The following NCAM1 variants were observed in gnomAD, a reference collection of about 807,000 sequenced individuals.
The protein encoded by NCAM1 is antigen recognized by monoclonal antibody 5.1H11.
Under a neutral mutation model 109.8 loss-of-function variants are expected in NCAM1, and 14 were observed. The observed-to-expected ratio is 0.13, with a 90% CI of 0.08 to 0.20. The LOEUF (loss-of-function observed/expected upper bound fraction) is 0.20, where lower values mean the gene tolerates loss of function less well. Among genes scored for constraint, NCAM1 ranks in the 10% least tolerant of loss-of-function variants. The probability of loss-of-function intolerance (pLI) is 1.00; values close to 1 mark genes in which losing one functional copy is unlikely to be tolerated. For synonymous variants in NCAM1, 418 were observed against 442.9 expected (o/e 0.94, Z 0.70); for missense variants, 774 against 1,109.9 (o/e 0.70, Z 4.30).
At chr11:112,966,354 C>G (rs986784962) in intron 1 of NCAM1, among the ~76,000 whole-genome samples, 1 of 152,164 alleles carries the variant, frequency 6.6e-6, no homozygotes, top group Non-Finnish European at 1.5e-5. Flanking sequence ...ATAATATACT[C>G]AGTGACTCTG....
chr11:112,995,191 C>CT (rs2134885998), intron 1 of NCAM1, among the ~76,000 whole-genome samples: 1 of 152,062 alleles, frequency 6.6e-6, no homozygotes. Context: ...GCATCCTACC[C>CT]CCCGCCACTG....
In NCAM1 at chr11:112,963,654, C is replaced by T. The variant is rs909189553; in HGVS notation, c.52+1990C>T. 6.6e-6 allele frequency among the ~76,000 whole-genome samples: 1 copy of T among 152,116 alleles called. No homozygotes were observed. The highest frequency in any genetic ancestry group is 2.4e-5 in the African/African-American group (1 of 41,426). ...CGCGACGCGACCTGTCCACATGGGG[C>T]GGGGGAAGGGGGGTGTTTTTGAGAC... On this transcript the variant is annotated intron_variant, in intron 1 of 19. Coordinates refer to ENST00000316851, the MANE Select transcript of NCAM1 (RefSeq NM_181351.5). This position sits in a 1 kb window ranked among gnomAD's most constrained non-coding sequence, Gnocchi z 4.6.
intron 1 of NCAM1, among the ~76,000 whole-genome samples, chr11:113,104,159 G>A (rs1004329852): frequency 6.4e-5 from 8 of 125,634 alleles, no homozygotes; most frequent in East Asian, 5.0e-4. Flanking sequence ...ACTAGTTTTC[G>A]TTTTGTTCTG....
At chr11:113,164,787 G>T (rs1942728335) in intron 1 of NCAM1, among the ~76,000 whole-genome samples, 1 of 151,970 alleles carries the variant, frequency 6.6e-6, no homozygotes, top group Non-Finnish European at 1.5e-5. Flanking sequence ...GATTTTTATG[G>T]AGGCTTCATC....
At chr11:113,223,820 G>A (rs1555115722) in intron 9 of NCAM1, among the ~76,000 whole-genome samples, 1 of 152,216 alleles carries the variant, frequency 6.6e-6, no homozygotes, top group African/African-American at 2.4e-5. Flanking sequence ...TGGACAAGTA[G>A]GAGTGACAAG....
chr11:113,002,545 CAGA>C (rs1241439104), intron 1 of NCAM1, among the ~76,000 whole-genome samples: 3 of 152,116 alleles, frequency 2.0e-5, no homozygotes, highest in East Asian at 1.9e-4. Flanking sequence ...CTGTGTTCTA[CAGA>C]AGAAGAAGAT....
chr11:113,182,584 C>A (rs1231865416), intron 1 of NCAM1, among the ~76,000 whole-genome samples: 1 of 152,214 alleles, frequency 6.6e-6, no homozygotes, highest in Non-Finnish European at 1.5e-5. Flanking sequence ...GCTGCCATCT[C>A]TGTTTCACCA....
At chr11:113,258,682 G>A (rs959493829) in intron 16 of NCAM1, among the ~76,000 whole-genome samples, 1 of 152,122 alleles carries the variant, frequency 6.6e-6, no homozygotes, top group Non-Finnish European at 1.5e-5. Flanking sequence ...AATATTTAAG[G>A]TGATGGATAT....
At chr11:113,227,345 A>G (rs1389114764) in intron 9 of NCAM1, among the ~76,000 whole-genome samples, 2 of 152,326 alleles carry the variant, frequency 1.3e-5, no homozygotes, top group East Asian at 3.8e-4. Context: ...AAATGGATAA[A>G]TTCCTGGACA....
At chr11:112,993,094 T>C (rs1333061727) in intron 1 of NCAM1, among the ~76,000 whole-genome samples, 1 of 152,236 alleles carries the variant, frequency 6.6e-6, no homozygotes, top group East Asian at 1.9e-4. Context: ...TTGCTTTTTG[T>C]ATTGTTTTAG....
Position 113,111,570 on chromosome 11 carries a change from G to C in NCAM1, c.53-90809G>C, listed in dbSNP as rs533284101. Reference sequence around the variant, plus strand: ...TGTTTTAGAGTAATGGAAGCGTTCTGTATCTTGATTGTCGTGTGGTTATAT... The same window carrying C: ...TGTTTTAGAGTAATGGAAGCGTTCTCTATCTTGATTGTCGTGTGGTTATAT... On this transcript the variant is annotated intron_variant, in intron 1 of 19. Coordinates refer to ENST00000316851, the MANE Select transcript of NCAM1 (RefSeq NM_181351.5). Among the ~76,000 whole-genome samples, 4 of 152,310 alleles carry C rather than the reference G, an allele frequency of 2.6e-5. No individual in the cohort carries two copies. The South Asian group carries it at 8.3e-4, about 32-fold the overall frequency.
chr11:113,277,418 G>C lies in NCAM1; in HGVS notation c.*2031G>C. On this transcript the variant is annotated 3_prime_UTR_variant, in exon 20 of 20. Coordinates refer to ENST00000316851, the MANE Select transcript of NCAM1 (RefSeq NM_181351.5). The stretch of plus-strand genomic sequence containing the variant: ...CCCCTTTGATTCTAGGGCCTGCACA[G>C]ATCTCTGGTTCAAATGCACAGGCCC... The C allele has an allele frequency of 2.5e-6, 1 of 399,084 alleles. No individual in the cohort carries two copies. The highest frequency in any genetic ancestry group is 4.4e-6 in the Non-Finnish European group (1 of 226,090). The allele number at this position is 399,084 out of a possible 1,614,324, so 24.7% of individuals were successfully genotyped here.
intron 1 of NCAM1, among the ~76,000 whole-genome samples, chr11:112,994,998 C>T (rs1205138237): frequency 1.3e-5 from 2 of 152,106 alleles, no homozygotes; most frequent in Non-Finnish European, 2.9e-5. Flanking sequence ...TGATCACAAG[C>T]TCAATAGGGC....
chr11:112,966,299 A>C (rs1237068171), intron 1 of NCAM1, among the ~76,000 whole-genome samples: 1 of 152,216 alleles, frequency 6.6e-6, no homozygotes, highest in African/African-American at 2.4e-5. Context: ...GGTTAAAAAG[A>C]AAGAATTCTA....
At chr11:113,208,853 T>C (rs1555113298) in intron 7 of NCAM1, among the ~76,000 whole-genome samples, 1 of 152,248 alleles carries the variant, frequency 6.6e-6, no homozygotes, top group African/African-American at 2.4e-5. Flanking sequence ...AGTGCCAGAC[T>C]TGGCATAGGC....
At chr11:113,232,855 C>T (rs537145052) in intron 12 of NCAM1, 41 bp downstream of exon 12, 1 of 1,516,846 alleles carries the variant, frequency 6.6e-7, no homozygotes, top group African/African-American at 1.4e-5. Flanking sequence ...TGCCACAACC[C>T]CCCACCTAAC....
At chr11:113,228,059 C>T (rs1555116558) in intron 9 of NCAM1, among the ~76,000 whole-genome samples, 1 of 152,174 alleles carries the variant, frequency 6.6e-6, no homozygotes, top group South Asian at 2.1e-4. Context: ...TCCTATTCAA[C>T]ATAGTGTTGG....
Position 113,261,227 on chromosome 11 carries a change from G to A in NCAM1, c.2131+904G>A, listed in dbSNP as rs181095870. Among the ~76,000 whole-genome samples, 18 of 152,168 alleles carry A rather than the reference G, an allele frequency of 1.2e-4. No homozygotes were observed. In the East Asian group the frequency reaches 2.9e-3, roughly 25 times the overall value. ...CCTGCCCTGTCTTCAGTGCTTGCCC[G>A]GCTCTTGGCTCGGTGGTCATGATTC... On this transcript the variant is annotated intron_variant, in intron 17 of 19. Transcript: ENST00000316851.
chr11:113,208,748 T>G (rs1555113287), intron 7 of NCAM1, among the ~76,000 whole-genome samples: 2 of 152,194 alleles, frequency 1.3e-5, no homozygotes, highest in African/African-American at 4.8e-5. Flanking sequence ...ATATTTGTTT[T>G]GGGGATTGTC....
Sources: allele counts gnomAD v4.1 joint callset (sites outside exome capture counted in the v4.1 genomes callset), GRCh38; gene constraint gnomAD v4.1.1; non-coding constraint Gnocchi (gnomAD v3.1); transcripts MANE v1.5; gene names NCBI Gene and HGNC (gene_info 2026-07-23, HGNC 2026-07-21).